Variants in VRK2 observed in about 807,000 individuals in gnomAD.
The protein encoded by VRK2 is serine/threonine-protein kinase VRK2.
Under a neutral mutation model 57.6 loss-of-function variants are expected in VRK2, and 60 were observed. That is an observed-to-expected ratio of 1.04 (90% confidence interval 0.85 to 1.29). The LOEUF (loss-of-function observed/expected upper bound fraction) is 1.29. Among genes scored for constraint, VRK2 ranks in the 50% most tolerant of loss-of-function variants. VRK2 has a pLI of 0.00. For synonymous variants in VRK2, 231 were observed against 199.2 expected (o/e 1.16, Z -1.35); for missense variants, 705 against 588.1 (o/e 1.20, Z -2.06).
Position 58,159,557 on chromosome 2 carries a change from TAG to T in VRK2, c.1393_1394del (p.Glu465LysfsTer15), listed in dbSNP as rs770602555. The T allele has an allele frequency of 6.2e-7, 1 of 1,613,720 alleles. No individual in the cohort carries two copies. The highest frequency in any genetic ancestry group is 1.3e-5 in the African/African-American group (1 of 74,896). ...ACAGTCAGCACGGGGATCACAGACT[TAG>T]AAAGTTCAACTGGACTTTGGCCTAC... On this transcript the variant is annotated frameshift_variant, in exon 13 of 13. Transcript: ENST00000340157. LOFTEE classifies it low-confidence loss of function (END_TRUNC).
chr2:57,961,248 G>C (rs953655500), intron 1 of VRK2, among the ~76,000 whole-genome samples: 1 of 152,212 alleles, frequency 6.6e-6, no homozygotes, highest in Non-Finnish European at 1.5e-5. Flanking sequence ...AAATCGGAAA[G>C]AGAAGAGTGA....
At chr2:58,099,755 G>A (rs755391919) in intron 7 of VRK2, among the ~76,000 whole-genome samples, 44 of 151,986 alleles carry the variant, frequency 2.9e-4, no homozygotes, top group Admixed American at 6.6e-4. Flanking sequence ...GGCGATTGTG[G>A]TGGACTAAGA....
At chr2:57,970,111 C>T (rs973238331) in intron 1 of VRK2, among the ~76,000 whole-genome samples, 2 of 149,252 alleles carry the variant, frequency 1.3e-5, no homozygotes, top group African/African-American at 4.9e-5. Context: ...TATTTATATA[C>T]ACAGAATGTA....
chr2:57,942,440 G>T (rs1477425525), intron 1 of VRK2, among the ~76,000 whole-genome samples: 6 of 152,068 alleles, frequency 3.9e-5, no homozygotes, highest in Non-Finnish European at 8.8e-5. Context: ...GTGAGTCTCT[G>T]TTTTGCATAT....
At chr2:57,986,710 C>T (rs778686495) in intron 1 of VRK2, among the ~76,000 whole-genome samples, 12 of 151,458 alleles carry the variant, frequency 7.9e-5, no homozygotes, top group South Asian at 2.1e-4. Context: ...GCAATTCTCC[C>T]GCCTCAGCCT....
intron 1 of VRK2, among the ~76,000 whole-genome samples, chr2:57,989,911 A>G (rs1172592836): frequency 1.3e-5 from 2 of 152,194 alleles, no homozygotes; most frequent in African/African-American, 4.8e-5. Context: ...TTCGATTTAG[A>G]ACATCTAACT....
chr2:57,908,066 G>C (rs140464574), intron 1 of VRK2, among the ~76,000 whole-genome samples: 1 of 152,274 alleles, frequency 6.6e-6, no homozygotes, highest in Admixed American at 6.5e-5. Flanking sequence ...GGATTCACAA[G>C]AGGGGATCAA....
intron 3 of VRK2, among the ~76,000 whole-genome samples, chr2:58,036,033 C>T (rs1674263636): frequency 6.6e-6 from 1 of 151,950 alleles, no homozygotes; most frequent in Non-Finnish European, 1.5e-5. Context: ...CTTAAACATC[C>T]TTGAAAAACA....
chr2:57,929,740 G>A (rs960334719), intron 1 of VRK2, among the ~76,000 whole-genome samples: 5 of 152,100 alleles, frequency 3.3e-5, no homozygotes, highest in Admixed American at 3.3e-4. Context: ...TGTCATTGCT[G>A]ATTATTCAGG....
chr2:57,921,723 A>AT (rs949389095), intron 1 of VRK2, among the ~76,000 whole-genome samples: 2 of 151,888 alleles, frequency 1.3e-5, no homozygotes, highest in African/African-American at 2.4e-5. Flanking sequence ...ATGTGTGCAC[A>AT]TTTTTTTTGT....
chr2:58,083,940 A>T, intron 2 of VRK2, 149 bp from the exon 3 acceptor site: 1 of 718,918 alleles, frequency 1.4e-6, no homozygotes, highest in South Asian at 3.2e-5. Flanking sequence ...TAAAATGGAG[A>T]TGATTGATTC....
Position 58,146,316 on chromosome 2 carries a change from G to A in VRK2, c.1024G>A (p.Val342Ile). ...ATTATTACTTACTCTATACCAACAG[G>A]TTGATTCACAAAAGGCTGCAACAAA... ...INVHTPNSQK[V>I]DSQKAATKQV... is the part of the protein sequence containing the mutation. The change falls in exon 12 of 13, where the codon GTT (valine) becomes ATT (isoleucine). Residue 342 changes from valine (V) to isoleucine (I), a missense_variant and splice_region_variant. By Grantham distance (29) the Val-to-Ile change is conservative. Transcript: ENST00000340157. 1.2e-6 allele frequency: 2 copies of A among 1,606,818 alleles called. No homozygotes were observed. The highest frequency in any genetic ancestry group is 1.7e-6 in the Non-Finnish European group (2 of 1,176,220).
At chr2:58,058,246 G>A (rs533307535) in intron 2 of VRK2, 1 of 429,274 alleles carries the variant, frequency 2.3e-6, no homozygotes, top group South Asian at 1.7e-5. Context: ...TACTTTAAAA[G>A]TGTCATTCTA....
At chr2:57,951,058 C>T (rs917389016) in intron 1 of VRK2, among the ~76,000 whole-genome samples, 2 of 152,054 alleles carry the variant, frequency 1.3e-5, no homozygotes, top group East Asian at 1.9e-4. Context: ...CAGCACTGCA[C>T]TCCAGCCTGG....
chr2:58,141,333 T>C (rs1054251083), intron 11 of VRK2, among the ~76,000 whole-genome samples: 1 of 152,030 alleles, frequency 6.6e-6, no homozygotes, highest in Non-Finnish European at 1.5e-5. Context: ...TCCTCTGATA[T>C]AAAATTCTGA....
chr2:58,081,929 G>C (rs1015548537), intron 2 of VRK2, among the ~76,000 whole-genome samples: 1 of 149,848 alleles, frequency 6.7e-6, no homozygotes, highest in Admixed American at 6.7e-5. Context: ...AGCTATAATG[G>C]GGCTTGGCTT....
intron 7 of VRK2, among the ~76,000 whole-genome samples, chr2:58,094,609 A>G (rs919278889): frequency 6.6e-6 from 1 of 152,190 alleles, no homozygotes; most frequent in Non-Finnish European, 1.5e-5. Flanking sequence ...GCAAACAGGG[A>G]CAATTTGACT....
intron 1 of VRK2, among the ~76,000 whole-genome samples, chr2:57,985,575 C>T (rs1404614092): frequency 6.6e-6 from 1 of 151,956 alleles, no homozygotes; most frequent in African/African-American, 2.4e-5. Flanking sequence ...AGTACATTCA[C>T]AAGAAACCTA....
intron 2 of VRK2, among the ~76,000 whole-genome samples, chr2:58,066,498 A>C (rs1668630943): frequency 6.6e-6 from 1 of 152,098 alleles, no homozygotes; most frequent in Non-Finnish European, 1.5e-5. Context: ...ATCTTTGTTA[A>C]GGAGGACTAT....
Sources: gnomAD v4.1 joint callset for allele counts (sites outside exome capture counted in the v4.1 genomes callset) on GRCh38, gnomAD v4.1.1 for gene constraint, MANE v1.5 for transcripts, NCBI Gene and HGNC (gene_info 2026-07-23, HGNC 2026-07-21) for gene names.